Variants in NUP107 observed in about 807,000 individuals in gnomAD.
The protein encoded by NUP107 is nucleoporin 107.
A neutral mutation model predicts 141.0 loss-of-function variants in NUP107; 101 were observed. The ratio of observed to expected loss-of-function variants is 0.72; its 90% CI spans 0.61 to 0.84. The LOEUF (loss-of-function observed/expected upper bound fraction) is 0.84, where lower values mean the gene tolerates loss of function less well. NUP107 is among the 40% of genes least tolerant of loss of function. The pLI, the probability that NUP107 is intolerant of heterozygous loss-of-function variation, is 0.00. For synonymous variants in NUP107, 319 were observed against 363.9 expected, an observed-to-expected ratio of 0.88 and a Z score of 1.41; for missense variants, 941 against 1,102.7, an observed-to-expected ratio of 0.85 and a Z score of 2.08.
At chr12:68,690,885 G>C in intron 4 of NUP107, 139 bp downstream of exon 4, 1 of 737,782 alleles carries the variant, frequency 1.4e-6, no homozygotes, top group Non-Finnish European at 2.2e-6. Context: ...TTTGAGACTA[G>C]CCTGCTTAGC....
chr12:68,734,443 C>T (rs1317516374), intron 24 of NUP107, among the ~76,000 whole-genome samples: 5 of 152,046 alleles, frequency 3.3e-5, no homozygotes, highest in South Asian at 2.1e-4. Context: ...TGTTACAGAG[C>T]GATGAATGTC....
rs199589465 is a variant in NUP107 at position 68,716,039 on chromosome 12, C to G, written c.1083+299C>G. 9.9e-5 allele frequency among the ~76,000 whole-genome samples: 15 copies of G among 151,484 alleles called. No individual in the cohort carries two copies. In the East Asian group the frequency reaches 2.5e-3, roughly 25 times the overall value. ...ATCCCCATTATTTATTTTTTTGTTC[C>G]GTTTGAGATTTTTGTTTTTGTTTTT... On this transcript the variant is annotated intron_variant, in intron 12 of 27. Transcript: ENST00000229179.
chr12:68,721,538 C>G (rs1246688902), intron 15 of NUP107, among the ~76,000 whole-genome samples: 3 of 152,130 alleles, frequency 2.0e-5, no homozygotes, highest in Admixed American at 2.0e-4. Flanking sequence ...CATGTTTTCT[C>G]ACAACCCACT....
chr12:68,723,765 G>T (rs1877447318), intron 17 of NUP107, among the ~76,000 whole-genome samples: 1 of 152,068 alleles, frequency 6.6e-6, no homozygotes, highest in African/African-American at 2.4e-5. Context: ...GGAACTTGCT[G>T]TTCTACTCAC....
intron 8 of NUP107, among the ~76,000 whole-genome samples, chr12:68,705,344 C>A (rs796465362): frequency 6.6e-6 from 1 of 151,932 alleles, no homozygotes; most frequent in South Asian, 2.1e-4. Flanking sequence ...TAACTTAATT[C>A]TTTTCCTGGT....
intron 8 of NUP107, among the ~76,000 whole-genome samples, chr12:68,703,265 A>C (rs1876421726): frequency 6.6e-6 from 1 of 152,176 alleles, no homozygotes; most frequent in Non-Finnish European, 1.5e-5. Flanking sequence ...GTTAGAGGTA[A>C]AAGTCCCTTT....
Position 68,709,328 on chromosome 12 carries a change from A to AT in NUP107, c.801+28dup, listed in dbSNP as rs572424756. 2.9e-4 allele frequency: 419 copies of AT among 1,455,902 alleles called. No individual in the cohort carries two copies. Among genetic ancestry groups the AT allele is most frequent in the Admixed American group, 3.2e-4 (15 of 47,206 alleles). 90.2% of individuals were successfully genotyped at this position (1,455,902 alleles called of 1,614,324 possible). A position where few individuals can be genotyped will look rare whatever the true frequency, so the allele number is the denominator to read the frequency against. ...AAGTCAGGTATGACTAGAATTTAAA[A>AT]TTTTTTTTTATGAAACATGGAGAAA... On this transcript the variant is annotated intron_variant, in intron 9 of 27. Coordinates refer to ENST00000229179, the MANE Select transcript of NUP107 (RefSeq NM_020401.4).
chr12:68,744,685 A>G lies in NUP107; in HGVS notation c.*2223A>G, dbSNP rs1462226199. Reference sequence around the variant, plus strand: ...AGGCATAAGCCACTGCACCCAGCCAATTGGACTCCTTTGAGTCCTTAGGGA... The same window carrying G: ...AGGCATAAGCCACTGCACCCAGCCAGTTGGACTCCTTTGAGTCCTTAGGGA... On this transcript the variant is annotated 3_prime_UTR_variant, in exon 28 of 28. Coordinates refer to ENST00000229179, the MANE Select transcript of NUP107 (RefSeq NM_020401.4). The G allele has an allele frequency of 6.6e-6, 1 of 152,290 alleles. No homozygotes were observed. The highest frequency in any genetic ancestry group is 1.5e-5 in the Non-Finnish European group (1 of 68,106). The allele number at this position is 152,290 out of a possible 1,614,324, so 9.4% of individuals were successfully genotyped here.
At chr12:68,740,523 T>G (rs1878280458) in intron 26 of NUP107, among the ~76,000 whole-genome samples, 1 of 152,248 alleles carries the variant, frequency 6.6e-6, no homozygotes, top group Non-Finnish European at 1.5e-5. Context: ...CAATTACTCC[T>G]TGGTATAATT....
At position 68,721,961 on chromosome 12, in the gene NUP107, C is replaced by G; in HGVS notation, c.1432C>G (p.Leu478Val). 1 of 1,613,868 alleles carries G rather than the reference C, an allele frequency of 6.2e-7. No homozygotes were observed. The highest frequency in any genetic ancestry group is 1.1e-5 in the South Asian group (1 of 91,022). The change falls in exon 16 of 28, where the codon CTC (leucine) becomes GTC (valine). Residue 478 changes from leucine (L) to valine (V), a missense_variant. By Grantham distance (32) the Leu-to-Val change is conservative. Coordinates refer to ENST00000229179, the MANE Select transcript of NUP107 (RefSeq NM_020401.4). ...AGCAACTCTGGATGAAACTGAAGAA[C>G]TCCCTAGAGAATATCTGGGAGCAAA... ...SVATLDETEE[L>V]PREYLGANWT...
chr12:68,722,346 TTCATC>T (rs1190699762), intron 17 of NUP107, among the ~76,000 whole-genome samples, 194 bp downstream of exon 17: 2 of 152,186 alleles, frequency 1.3e-5, no homozygotes, highest in African/African-American at 2.4e-5. Context: ...TCGGATTAAT[TTCATC>T]TAAGTATATG....
At chr12:68,694,234 A>G (rs533080009) in intron 5 of NUP107, among the ~76,000 whole-genome samples, 6 of 152,230 alleles carry the variant, frequency 3.9e-5, no homozygotes, top group Non-Finnish European at 7.3e-5. Context: ...GTATTTTCCC[A>G]GAGTGGAACA....
intron 20 of NUP107, among the ~76,000 whole-genome samples, chr12:68,730,158 G>T (rs1242499002): frequency 1.4e-5 from 2 of 145,654 alleles, no homozygotes; most frequent in East Asian, 2.0e-4. Flanking sequence ...TAGAGACTGG[G>T]TCTCACTATG....
intron 6 of NUP107, among the ~76,000 whole-genome samples, chr12:68,698,577 C>G (rs1876179977): frequency 6.6e-6 from 1 of 152,168 alleles, no homozygotes; most frequent in South Asian, 2.1e-4. Context: ...TAAACTGGTA[C>G]ATCTGAGCAG....
At chr12:68,704,744 C>T (rs758252132) in intron 8 of NUP107, among the ~76,000 whole-genome samples, 4 of 151,820 alleles carry the variant, frequency 2.6e-5, no homozygotes, top group Admixed American at 6.6e-5. Flanking sequence ...CGTGAGCCAC[C>T]GTGCCTCGCC....
intron 20 of NUP107, among the ~76,000 whole-genome samples, chr12:68,730,815 A>G (rs899441243): frequency 2.0e-5 from 3 of 152,030 alleles, no homozygotes; most frequent in African/African-American, 7.2e-5. Flanking sequence ...AAAAAAATAC[A>G]AAAAATTAGC....
At position 68,735,337 on chromosome 12, in the gene NUP107, T is replaced by A. The variant is rs1445389759; in HGVS notation, c.2495T>A (p.Val832Asp). ...LFVDGGWMVD[V>D]REDAKEDHER... ...GTTGATGGAGGGTGGATGGTGGATG[T>A]TAGAGAGGTAAGCTGTGTGCATTGT... Residue 832 changes from valine to aspartate, a missense_variant, in exon 26 of 28, where the codon GTT becomes GAT. Val to Asp is a radical substitution (Grantham distance 152). Transcript: ENST00000229179. The A allele has an allele frequency of 1.9e-6, 3 of 1,611,974 alleles. No homozygotes were observed. The highest frequency in any genetic ancestry group is 2.5e-6 in the Non-Finnish European group (3 of 1,178,248).
intron 26 of NUP107, among the ~76,000 whole-genome samples, chr12:68,741,077 A>G (rs1878301407): frequency 6.7e-6 from 1 of 148,798 alleles, no homozygotes; most frequent in African/African-American, 2.5e-5. Flanking sequence ...AAAAGAAAAG[A>G]AAAAAAAAAG....
intron 6 of NUP107, among the ~76,000 whole-genome samples, chr12:68,700,361 A>G (rs1288387005): frequency 6.6e-6 from 1 of 152,210 alleles, no homozygotes; most frequent in Non-Finnish European, 1.5e-5. Flanking sequence ...ATAACTTTTT[A>G]AATTTTAATT....
Sources: allele counts gnomAD v4.1 joint callset (sites outside exome capture counted in the v4.1 genomes callset), GRCh38; gene constraint gnomAD v4.1.1; transcripts MANE v1.5; gene names NCBI Gene and HGNC (gene_info 2026-07-23, HGNC 2026-07-21).